The following ZNF804B variants were observed in gnomAD, a reference collection of about 807,000 sequenced individuals.
ZNF804B encodes zinc finger protein 804B.
In ZNF804B, 80 loss-of-function variants were observed where a neutral mutation model predicts 101.4. The observed-to-expected ratio is 0.79, with a 90% confidence interval of 0.66 to 0.95. ZNF804B has a LOEUF of 0.95. ZNF804B is among the 40% of genes least tolerant of loss of function. The pLI, the probability that ZNF804B is intolerant of heterozygous loss-of-function variation, is 0.00. For missense variants in ZNF804B, 1,673 were observed against 1,561.9 expected, an observed-to-expected ratio of 1.07 and a Z score of -1.20; for synonymous variants, 622 against 558.8, an observed-to-expected ratio of 1.11 and a Z score of -1.59.
chr7:89,004,008 AAGAG>A (rs1266604580), intron 1 of ZNF804B, among the ~76,000 whole-genome samples: 1 of 151,562 alleles, frequency 6.6e-6, no homozygotes, highest in Admixed American at 6.6e-5. Flanking sequence ...ATGTAACAAA[AAGAG>A]AGGAGTTTTG....
chr7:89,010,186 C>A (rs1016121730), intron 1 of ZNF804B, among the ~76,000 whole-genome samples: 4 of 152,024 alleles, frequency 2.6e-5, no homozygotes, highest in African/African-American at 9.7e-5. Context: ...CGAAGCCTTA[C>A]CTTTTTCAAG....
intron 1 of ZNF804B, among the ~76,000 whole-genome samples, chr7:88,829,230 A>G (rs1791095048): frequency 6.6e-6 from 1 of 152,072 alleles, no homozygotes; most frequent in South Asian, 2.1e-4. Context: ...AGCTGGGACT[A>G]CAGGTGTGTG....
At chr7:89,277,258 G>T (rs1450476643) in intron 2 of ZNF804B, among the ~76,000 whole-genome samples, 1 of 149,868 alleles carries the variant, frequency 6.7e-6, no homozygotes, top group Non-Finnish European at 1.5e-5. Flanking sequence ...AGTATATTTA[G>T]CTTATTAGTC....
chr7:89,199,150 C>T (rs1381493729), intron 1 of ZNF804B, among the ~76,000 whole-genome samples: 1 of 151,834 alleles, frequency 6.6e-6, no homozygotes, highest in Non-Finnish European at 1.5e-5. Flanking sequence ...GTACAGATAA[C>T]TACATCTCTT....
At chr7:88,763,903 A>T (rs1586892749) in intron 1 of ZNF804B, among the ~76,000 whole-genome samples, 2 of 152,066 alleles carry the variant, frequency 1.3e-5, no homozygotes, top group Admixed American at 1.3e-4. Flanking sequence ...CACTTAGGGG[A>T]CCCAGCAAGC....
In ZNF804B at chr7:89,220,045, GCATA is replaced by G. The variant is rs755128510; in HGVS notation, c.249+1751_249+1754del. On this transcript the variant is annotated intron_variant, in intron 2 of 3. Coordinates refer to ENST00000333190, the MANE Select transcript of ZNF804B (RefSeq NM_181646.5). ...TACATATATATACGCACATATATGTGCATATATACATATATACGCACATATATGT... is the reference window on the plus strand; with the variant it reads ...TACATATATATACGCACATATATGTGTATACATATATACGCACATATATGT... Among the ~76,000 whole-genome samples, 12 of 95,192 alleles carry G rather than the reference GCATA, an allele frequency of 1.3e-4. 5 individuals are homozygous for G. The highest frequency in any genetic ancestry group is 5.6e-4 in the African/African-American group (12 of 21,286). The allele number at this position is 95,192 out of a possible 152,430, so 62.4% of individuals were successfully genotyped here. A position where few individuals can be genotyped will look rare whatever the true frequency, so the allele number is the denominator to read the frequency against.
intron 2 of ZNF804B, among the ~76,000 whole-genome samples, chr7:89,268,597 T>C (rs994906821): frequency 6.6e-6 from 1 of 152,080 alleles, no homozygotes; most frequent in Non-Finnish European, 1.5e-5. Context: ...AGACATTTTC[T>C]TTTTAATAAA....
At position 89,316,885 on chromosome 7, in the gene ZNF804B, T is replaced by C. The variant is rs914020658; in HGVS notation, c.250-10459T>C. 5.3e-5 allele frequency among the ~76,000 whole-genome samples: 8 copies of C among 152,072 alleles called. 1 individual carries two copies. The highest frequency in any genetic ancestry group is 5.2e-4 in the Admixed American group (8 of 15,256). The stretch of plus-strand genomic sequence containing the variant: ...GGAGAAGTCTGCCTAAGTTTGAGTG[T>C]GAAACAGGAAAAACAAGGAAAACCC... On this transcript the variant is annotated intron_variant, in intron 2 of 3. Transcript: ENST00000333190.
chr7:88,891,234 A>G (rs181931005), intron 1 of ZNF804B, among the ~76,000 whole-genome samples: 229 of 152,144 alleles, frequency 1.5e-3, no homozygotes, highest in Non-Finnish European at 2.4e-3. Flanking sequence ...TTGTAGATAC[A>G]TCTATTTTTG....
intron 2 of ZNF804B, among the ~76,000 whole-genome samples, chr7:89,321,276 C>T (rs536476972): frequency 3.3e-5 from 5 of 152,106 alleles, no homozygotes; most frequent in Non-Finnish European, 4.4e-5. Flanking sequence ...GTCAGGAGAT[C>T]GAGACTGTCC....
chr7:88,972,137 C>T (rs1793548112), intron 1 of ZNF804B, among the ~76,000 whole-genome samples: 2 of 151,514 alleles, frequency 1.3e-5, no homozygotes, highest in South Asian at 4.1e-4. Context: ...TAAGAGATGA[C>T]ATTGAGCTCA....
intron 1 of ZNF804B, among the ~76,000 whole-genome samples, chr7:88,916,656 A>G (rs1792636446): frequency 6.6e-6 from 1 of 152,174 alleles, no homozygotes; most frequent in African/African-American, 2.4e-5. Flanking sequence ...AAGTTAGATT[A>G]TATCAAACTT....
intron 1 of ZNF804B, among the ~76,000 whole-genome samples, chr7:88,808,037 C>G (rs1290467087): frequency 6.6e-6 from 1 of 152,098 alleles, no homozygotes; most frequent in Non-Finnish European, 1.5e-5. Flanking sequence ...TCAAATGACA[C>G]CACATTGAAG....
At chr7:89,311,565 C>G (rs1333907726) in intron 2 of ZNF804B, among the ~76,000 whole-genome samples, 1 of 152,076 alleles carries the variant, frequency 6.6e-6, no homozygotes, top group Non-Finnish European at 1.5e-5. Context: ...TTTATTTGTT[C>G]ATTACAGAAG....
chr7:89,158,950 C>T (rs1180043179), intron 1 of ZNF804B, among the ~76,000 whole-genome samples: 1 of 152,046 alleles, frequency 6.6e-6, no homozygotes, highest in Non-Finnish European at 1.5e-5. Context: ...TCATATAATA[C>T]AGAGATTGTC....
In ZNF804B at chr7:88,759,840, C is replaced by T. The variant is rs1383541281; in HGVS notation, c.-137C>T. The T allele has an allele frequency of 1.5e-6, 1 of 680,458 alleles. No individual in the cohort carries two copies. Among genetic ancestry groups the T allele is most frequent in the Non-Finnish European group, 2.6e-6 (1 of 389,026 alleles). The allele number at this position is 680,458 out of a possible 1,614,324, so 42.2% of individuals were successfully genotyped here. A position where few individuals can be genotyped will look rare whatever the true frequency, so the allele number is the denominator to read the frequency against. ...GGGGCGCGGAGCAGGGACGCGCTGC[C>T]ACCGCCTCCCCCTGCGTCCTGCTGG... is the stretch of plus-strand genomic sequence containing the variant. On this transcript the variant is annotated 5_prime_UTR_variant, in exon 1 of 4. Coordinates refer to ENST00000333190, the MANE Select transcript of ZNF804B (RefSeq NM_181646.5).
At chr7:89,172,449 A>G (rs963415164) in intron 1 of ZNF804B, among the ~76,000 whole-genome samples, 5 of 152,168 alleles carry the variant, frequency 3.3e-5, no homozygotes, top group African/African-American at 9.7e-5. Context: ...AAGTTAATCT[A>G]TACACAGGAG....
intron 1 of ZNF804B, among the ~76,000 whole-genome samples, chr7:88,929,862 C>G (rs928709033): frequency 6.6e-6 from 1 of 151,856 alleles, no homozygotes; most frequent in African/African-American, 2.4e-5. Flanking sequence ...TTGTAAATAT[C>G]ATAAACTATT....
chr7:89,279,897 A>C (rs1790057491), intron 2 of ZNF804B, among the ~76,000 whole-genome samples: 1 of 152,238 alleles, frequency 6.6e-6, no homozygotes, highest in Admixed American at 6.5e-5. Flanking sequence ...TCAGCTCTGC[A>C]CCAAGCAGAC....
Sources: allele counts gnomAD v4.1 joint callset (sites outside exome capture counted in the v4.1 genomes callset), GRCh38; gene constraint gnomAD v4.1.1; transcripts MANE v1.5; gene names NCBI Gene and HGNC (gene_info 2026-07-23, HGNC 2026-07-21).